Variants in AGMO observed in about 807,000 individuals in gnomAD.
The protein encoded by AGMO is glyceryl-ether monooxygenase.
In AGMO, 75 loss-of-function variants were observed where a neutral mutation model predicts 60.2. That is an observed-to-expected ratio of 1.25 (90% CI 1.03 to 1.51). The LOEUF (loss-of-function observed/expected upper bound fraction) is 1.51. AGMO is among the 40% of genes most tolerant of loss of function. The pLI is 0.00. For synonymous variants in AGMO, 261 were observed against 177.1 expected, an observed-to-expected ratio of 1.47 and a Z score of -3.76; for missense variants, 763 against 525.5, an observed-to-expected ratio of 1.45 and a Z score of -4.42.
chr7:15,121,164 T>C, the AGMO span, among the ~76,000 whole-genome samples: 1 of 152,196 alleles, frequency 6.6e-6, no homozygotes, highest in African/African-American at 2.4e-5. Context: ...TTCTTTTTTA[T>C]GGCTGCATAG....
intron 12 of AGMO, among the ~76,000 whole-genome samples, chr7:15,218,861 A>G (rs1203737881): frequency 6.6e-6 from 1 of 152,140 alleles, no homozygotes; most frequent in African/African-American, 2.4e-5. Context: ...CATATTTGGA[A>G]TTAACAGAAA....
chr7:15,394,307 T>A, intron 5 of AGMO, 128 bp from the exon 6 acceptor site: 1 of 704,128 alleles, frequency 1.4e-6, no homozygotes, highest in Non-Finnish European at 2.4e-6. Context: ...TATCAGAGAG[T>A]GGAAAAAAGT....
At chr7:15,199,956 G>C (rs566430695), downstream of AGMO, among the ~76,000 whole-genome samples, 39 of 152,172 alleles carry the variant, frequency 2.6e-4, no homozygotes, top group Non-Finnish European at 5.3e-4. Context: ...GACACCTGCA[G>C]TCTGATTCTC....
At chr7:15,363,375 C>A (rs1327964740) in intron 12 of AGMO, among the ~76,000 whole-genome samples, 1 of 152,140 alleles carries the variant, frequency 6.6e-6, no homozygotes, top group Non-Finnish European at 1.5e-5. Flanking sequence ...GGAGCACTTA[C>A]TATGTGTTAA....
the AGMO span, among the ~76,000 whole-genome samples, chr7:15,143,724 C>T: frequency 7.0e-6 from 1 of 142,866 alleles, no homozygotes; most frequent in Non-Finnish European, 1.5e-5. Flanking sequence ...ACATGTAAAA[C>T]ATATACAGCA....
chr7:15,153,203 T>G, the AGMO span, among the ~76,000 whole-genome samples: 18 of 152,018 alleles, frequency 1.2e-4, no homozygotes, highest in East Asian at 3.5e-3. Flanking sequence ...TTTCTTTTCT[T>G]GCTGATTTGT....
At chr7:15,495,865 T>TCC (rs555631312) in intron 3 of AGMO, among the ~76,000 whole-genome samples, 3 of 144,418 alleles carry the variant, frequency 2.1e-5, no homozygotes, top group Non-Finnish European at 3.1e-5. Context: ...TCTCTCTCTC[T>TCC]CCTCTCTCTC....
At chr7:15,300,145 C>A (rs936209804) in intron 12 of AGMO, among the ~76,000 whole-genome samples, 3 of 151,998 alleles carry the variant, frequency 2.0e-5, no homozygotes, top group Non-Finnish European at 4.4e-5. Flanking sequence ...TGAGTTGATA[C>A]TTGGAAAGAT....
chr7:15,195,618 T>C (rs950822266), downstream of AGMO, among the ~76,000 whole-genome samples: 1 of 152,214 alleles, frequency 6.6e-6, no homozygotes, highest in African/African-American at 2.4e-5. Flanking sequence ...ACATGCCTAG[T>C]CCCCAGGTAG....
chr7:15,316,676 C>T (rs1780934898), intron 12 of AGMO, among the ~76,000 whole-genome samples: 1 of 152,094 alleles, frequency 6.6e-6, no homozygotes, highest in South Asian at 2.1e-4. Flanking sequence ...AGATACTTTA[C>T]TGTAAAATAA....
chr7:15,527,491 T>A (rs536945383), intron 3 of AGMO, among the ~76,000 whole-genome samples: 1 of 152,114 alleles, frequency 6.6e-6, no homozygotes, highest in South Asian at 2.1e-4. Context: ...TTAGCAGAGG[T>A]TGGTTCATGA....
the AGMO span, among the ~76,000 whole-genome samples, chr7:15,150,842 T>C: frequency 2.6e-5 from 4 of 152,070 alleles, no homozygotes; most frequent in Non-Finnish European, 5.9e-5. Context: ...TAGGATGAAT[T>C]AGGAGATAGT....
chr7:15,356,384 AC>A (rs1782529533), intron 12 of AGMO, among the ~76,000 whole-genome samples: 1 of 152,212 alleles, frequency 6.6e-6, no homozygotes, highest in South Asian at 2.1e-4. Context: ...CAAAAAGAAT[AC>A]ATTTTAAAAA....
chr7:15,465,318 G>A (rs997291498), intron 3 of AGMO, among the ~76,000 whole-genome samples: 6 of 151,056 alleles, frequency 4.0e-5, no homozygotes, highest in Admixed American at 2.0e-4. Flanking sequence ...GAAGTCTTCC[G>A]AAATTAGAGT....
chr7:15,364,270 TTTTG>T (rs756977843), intron 12 of AGMO, among the ~76,000 whole-genome samples: 10 of 152,096 alleles, frequency 6.6e-5, no homozygotes, highest in African/African-American at 9.6e-5. Context: ...ACATGTTAGG[TTTTG>T]TTTATCTTCC....
chr7:15,374,705 C>T (rs1027769441), intron 10 of AGMO, among the ~76,000 whole-genome samples: 2 of 152,024 alleles, frequency 1.3e-5, no homozygotes, highest in Admixed American at 1.3e-4. Context: ...CATATTGCAC[C>T]AGTTTCCCAC....
In AGMO at chr7:15,544,777, G is replaced by A. The variant is rs537455344; in HGVS notation, c.404C>T (p.Ala135Val). The A allele has an allele frequency of 6.3e-7, 1 of 1,596,234 alleles. No individual in the cohort carries two copies. The highest frequency in any genetic ancestry group is 1.8e-5 in the Admixed American group (1 of 56,832). ...AGTCCTCATTTGCAGCTTACCATGA[G>A]CCATACGATGGAACCAGTAGTAGCC... The part of the protein sequence containing the change: ...DFGYYWFHRM[A>V]HEVNIMWAGH... Residue 135 changes from alanine to valine, a missense_variant, in exon 3 of 13, where the codon GCT becomes GTT. Physicochemically the swap from Ala to Val is moderately conservative, Grantham distance 64 (BLOSUM62 0). Transcript: ENST00000342526.
the AGMO span, among the ~76,000 whole-genome samples, chr7:15,181,899 C>T: frequency 6.6e-6 from 1 of 151,990 alleles, no homozygotes; most frequent in Non-Finnish European, 1.5e-5. Context: ...ATATATGAAA[C>T]ATATATTGTG....
chr7:15,139,387 G>C, the AGMO span, among the ~76,000 whole-genome samples: 1 of 152,048 alleles, frequency 6.6e-6, no homozygotes, highest in East Asian at 1.9e-4. Flanking sequence ...TTAGGTTCCA[G>C]GGGACATGTG....
Sources: allele counts gnomAD v4.1 joint callset (sites outside exome capture counted in the v4.1 genomes callset), GRCh38; gene constraint gnomAD v4.1.1; transcripts MANE v1.5; gene names NCBI Gene and HGNC (gene_info 2026-07-23, HGNC 2026-07-21).